Variants in BBIP1 observed in about 807,000 individuals in gnomAD.
BBIP1 encodes BBSome-interacting protein 1.
Under a neutral mutation model 8.9 loss-of-function variants are expected in BBIP1, and 6 were observed. The ratio of observed to expected loss-of-function variants is 0.67; its 90% confidence interval spans 0.37 to 1.33. The LOEUF is 1.33. BBIP1 is among the 40% of genes most tolerant of loss of function. The probability of loss-of-function intolerance (pLI) is 0.02; values close to 1 mark genes in which losing one functional copy is unlikely to be tolerated. For missense variants in BBIP1, 111 were observed against 109.2 expected (o/e 1.02, Z -0.07); for synonymous variants, 32 against 33.4 (o/e 0.96, Z 0.14).
intron 2 of BBIP1, chr10:110,903,361 A>G (rs752656246): frequency 1.3e-5 from 2 of 152,286 alleles, no homozygotes; most frequent in Non-Finnish European, 1.5e-5. Flanking sequence ...CTAAGCTGCC[A>G]TTGTTACTGT....
At chr10:110,900,570 CA>C in intron 3 of BBIP1, 44 bp from the exon 4 acceptor site, 1 of 1,430,234 alleles carries the variant, frequency 7.0e-7, no homozygotes, top group Non-Finnish European at 9.2e-7. Flanking sequence ...AAAGATAACC[CA>C]GTTGTTTGTA....
intron 1 of BBIP1, 37 bp downstream of exon 1, chr10:110,919,084 G>C (rs1846534530): frequency 6.5e-6 from 1 of 152,794 alleles, no homozygotes; most frequent in Non-Finnish European, 1.5e-5. Context: ...AACATGGGAT[G>C]TGTGGTCACC....
chr10:110,900,332 G>A lies in BBIP1; in HGVS notation c.*28C>T. On this transcript the variant is annotated 3_prime_UTR_variant, in exon 4 of 4. Coordinates refer to ENST00000448814, the MANE Select transcript of BBIP1 (RefSeq NM_001195305.3). ...TATTGTTAAATAGTAGATAAGGCAG[G>A]TTGTTCCCTAAAGTGCTCAGTTATC... 6.6e-7 allele frequency: 1 copy of A among 1,513,222 alleles called. No individual in the cohort carries two copies. 93.7% of individuals were successfully genotyped at this position (1,513,222 alleles called of 1,614,324 possible).
chr10:110,907,439 T>A lies in BBIP1; in HGVS notation c.38-5827A>T, dbSNP rs1156764586. ...CTGAGGTGAGGGTACTGCTTGAGCC[T>A]GAGTTTTAGGTTGCAGTGAGATATG... On this transcript the variant is annotated intron_variant, in intron 2 of 3. Coordinates refer to ENST00000448814, the MANE Select transcript of BBIP1 (RefSeq NM_001195305.3). The A allele has an allele frequency of 1.0e-5, 3 of 300,274 alleles. No homozygotes were observed. In the Admixed American group the frequency reaches 1.6e-4, roughly 16 times the overall value. The allele number at this position is 300,274 out of a possible 1,614,324, so 18.6% of individuals were successfully genotyped here. A position where few individuals can be genotyped will look rare whatever the true frequency, so the allele number is the denominator to read the frequency against.
At chr10:110,907,543 A>C in intron 2 of BBIP1, 1 of 496,816 alleles carries the variant, frequency 2.0e-6, no homozygotes, top group Non-Finnish European at 3.5e-6. Flanking sequence ...AAAGAAAAGA[A>C]AGAAAAATGG....
At chr10:110,912,867 T>C (rs897893771) in intron 2 of BBIP1, among the ~76,000 whole-genome samples, 2 of 152,138 alleles carry the variant, frequency 1.3e-5, no homozygotes, top group African/African-American at 4.8e-5. Flanking sequence ...CCTCTATTAA[T>C]GTATCTAAAC....
intron 2 of BBIP1, among the ~76,000 whole-genome samples, chr10:110,916,729 A>G (rs1156312054): frequency 6.6e-6 from 1 of 152,246 alleles, no homozygotes; most frequent in Non-Finnish European, 1.5e-5. Context: ...CTATGCTGAC[A>G]TCAGTACACT....
intron 2 of BBIP1, chr10:110,910,564 G>A (rs1046393686): frequency 6.6e-6 from 1 of 152,200 alleles, no homozygotes; most frequent in Non-Finnish European, 1.5e-5. Flanking sequence ...GATGATGAAA[G>A]TATGAATTAA....
chr10:110,901,335 C>A, intron 3 of BBIP1: 1 of 558,552 alleles, frequency 1.8e-6, no homozygotes, highest in African/African-American at 1.9e-5. Context: ...AATTAATAGG[C>A]AATTTTAGGT....
At chr10:110,912,503 T>C (rs1846302798) in intron 2 of BBIP1, among the ~76,000 whole-genome samples, 1 of 152,240 alleles carries the variant, frequency 6.6e-6, no homozygotes, top group African/African-American at 2.4e-5. Context: ...TATTTTCATC[T>C]AGCCATCTGG....
rs1443564396 is a variant in BBIP1 at position 110,907,920 on chromosome 10, A to T, written c.38-6308T>A. 5.0e-6 allele frequency: 3 copies of T among 595,618 alleles called. No individual in the cohort carries two copies. In the East Asian group the frequency reaches 8.5e-5, roughly 17 times the overall value. The allele number at this position is 595,618 out of a possible 1,614,324, so 36.9% of individuals were successfully genotyped here. A position where few individuals can be genotyped will look rare whatever the true frequency, so the allele number is the denominator to read the frequency against. On this transcript the variant is annotated intron_variant, in intron 2 of 3. Transcript: ENST00000448814. The stretch of plus-strand genomic sequence containing the variant: ...TATGCTAAAGTATGTGATACATTTC[A>T]AACAGGGGAGTTGAGTATATATTGT...
chr10:110,914,845 G>GT (rs960894600), intron 2 of BBIP1, among the ~76,000 whole-genome samples: 2 of 152,202 alleles, frequency 1.3e-5, no homozygotes, highest in African/African-American at 4.8e-5. Context: ...TATTAAGTTA[G>GT]TAATGATACA....
rs982682708 is a variant in BBIP1, at chr10:110,900,469, G to C, written c.170C>G (p.Pro57Arg). 42 of 1,535,494 alleles carry C rather than the reference G, an allele frequency of 2.7e-5. No individual in the cohort carries two copies. Among genetic ancestry groups the C allele is most frequent in the Non-Finnish European group, 3.6e-5 (41 of 1,146,656 alleles). Residue 57 changes from proline (P) to arginine (R), a missense_variant, in exon 4 of 4, where the codon CCC becomes CGC. Transcript: ENST00000448814. ...TMVLCKPKLL[P>R]LKSLTLEKLE... ...TTTTTCCAGAGTCAGAGATTTTAAGGGTAAAAGTTTGGGTTTACACAGCAC... is the reference window on the plus strand; with the variant it reads ...TTTTTCCAGAGTCAGAGATTTTAAGCGTAAAAGTTTGGGTTTACACAGCAC...
chr10:110,916,129 CCTTA>C (rs534694752), intron 2 of BBIP1, among the ~76,000 whole-genome samples: 96 of 152,284 alleles, frequency 6.3e-4, no homozygotes, highest in African/African-American at 2.3e-3. Context: ...TATTATTTTG[CCTTA>C]CTTAAATCTG....
Position 110,900,219 on chromosome 10 carries a change from A to C in BBIP1, c.*141T>G. 2 of 848,858 alleles carry C rather than the reference A, an allele frequency of 2.4e-6. No homozygotes were observed. Among genetic ancestry groups the C allele is most frequent in the Non-Finnish European group, 3.4e-6 (2 of 585,866 alleles). 52.6% of individuals were successfully genotyped at this position (848,858 alleles called of 1,614,324 possible). A position where few individuals can be genotyped will look rare whatever the true frequency, so the allele number is the denominator to read the frequency against. ...TACATTCACAATACAAATTTCATCAATCTTGGATATTTTTGTATTTCTATG... is the reference window on the plus strand; with the variant it reads ...TACATTCACAATACAAATTTCATCACTCTTGGATATTTTTGTATTTCTATG... On this transcript the variant is annotated 3_prime_UTR_variant, in exon 4 of 4. Transcript: ENST00000448814.
intron 3 of BBIP1, 100 bp downstream of exon 3, chr10:110,901,438 T>G: frequency 1.3e-6 from 1 of 784,564 alleles, no homozygotes; most frequent in South Asian, 1.5e-5. Flanking sequence ...CGGAACACAA[T>G]AGCTGCAGAT....
intron 2 of BBIP1, among the ~76,000 whole-genome samples, chr10:110,914,748 G>C (rs1846359271): frequency 6.6e-6 from 1 of 152,208 alleles, no homozygotes; most frequent in Non-Finnish European, 1.5e-5. Context: ...TCTAGCTTCT[G>C]AAATGTACCT....
At chr10:110,910,695 A>G (rs893185884) in intron 2 of BBIP1, 1 of 152,232 alleles carries the variant, frequency 6.6e-6, no homozygotes, top group African/African-American at 2.4e-5. Context: ...GGAAATGATC[A>G]CAGACGACTG....
intron 2 of BBIP1, among the ~76,000 whole-genome samples, chr10:110,909,699 T>C (rs1467107973): frequency 1.3e-5 from 2 of 152,210 alleles, no homozygotes; most frequent in Non-Finnish European, 2.9e-5. Context: ...TGTGAGTTAA[T>C]AGGCCAAATT....
Sources: gnomAD v4.1 joint callset for allele counts (sites outside exome capture counted in the v4.1 genomes callset) on GRCh38, gnomAD v4.1.1 for gene constraint, MANE v1.5 for transcripts, NCBI Gene and HGNC (gene_info 2026-07-23, HGNC 2026-07-21) for gene names.